Variants in CNTNAP2 observed in about 807,000 individuals in gnomAD.
The protein encoded by CNTNAP2 is contactin-associated protein-like 2.
Under a neutral mutation model 155.2 loss-of-function variants are expected in CNTNAP2, and 98 were observed. The observed-to-expected ratio is 0.63, with a 90% confidence interval of 0.54 to 0.75. The LOEUF (loss-of-function observed/expected upper bound fraction) is 0.75, where lower values mean the gene tolerates loss of function less well. Ranked by LOEUF, CNTNAP2 falls within the 30% of genes least tolerant of loss-of-function variation. The pLI is 0.00. For synonymous variants in CNTNAP2, 651 were observed against 631.2 expected (o/e 1.03, Z -0.47); for missense variants, 1,727 against 1,688.1 (o/e 1.02, Z -0.40).
intron 1 of CNTNAP2, among the ~76,000 whole-genome samples, chr7:146,668,428 CT>C (rs1800235756): frequency 8.7e-6 from 1 of 115,490 alleles, no homozygotes; most frequent in Non-Finnish European, 1.9e-5. Flanking sequence ...TGTAATTTTC[CT>C]GTGTGTGTGT....
chr7:146,245,810 T>C (rs1799638595), intron 1 of CNTNAP2, among the ~76,000 whole-genome samples: 1 of 151,672 alleles, frequency 6.6e-6, no homozygotes, highest in African/African-American at 2.4e-5. Context: ...TCAGTCCAAG[T>C]GAAAGCGAAG....
chr7:146,717,029 T>G (rs1801200501), intron 1 of CNTNAP2, among the ~76,000 whole-genome samples: 2 of 147,954 alleles, frequency 1.4e-5, no homozygotes, highest in South Asian at 4.2e-4. Context: ...CAAGATTGGT[T>G]TCTTAACTGG....
At chr7:147,087,192 T>C (rs1800296280) in intron 4 of CNTNAP2, among the ~76,000 whole-genome samples, 1 of 152,200 alleles carries the variant, frequency 6.6e-6, no homozygotes, top group African/African-American at 2.4e-5. Flanking sequence ...GAGTTAAGTA[T>C]TGTTCCCATT....
chr7:147,728,999 A>T (rs1796691125), intron 13 of CNTNAP2, among the ~76,000 whole-genome samples: 1 of 148,704 alleles, frequency 6.7e-6, no homozygotes, highest in African/African-American at 2.4e-5. Flanking sequence ...AATATATATT[A>T]TGTATAATGT....
intron 9 of CNTNAP2, among the ~76,000 whole-genome samples, chr7:147,337,038 G>A (rs970293761): frequency 1.3e-5 from 2 of 152,010 alleles, no homozygotes; most frequent in Non-Finnish European, 2.9e-5. Flanking sequence ...TTATCAATTA[G>A]GGAAATGGTA....
At chr7:146,547,529 G>T (rs1271540208) in intron 1 of CNTNAP2, among the ~76,000 whole-genome samples, 3 of 151,796 alleles carry the variant, frequency 2.0e-5, no homozygotes, top group African/African-American at 7.3e-5. Flanking sequence ...CACCATTATG[G>T]TCTTTGATTT....
At chr7:146,931,072 T>A (rs1796745541) in intron 3 of CNTNAP2, among the ~76,000 whole-genome samples, 1 of 151,960 alleles carries the variant, frequency 6.6e-6, no homozygotes, top group African/African-American at 2.4e-5. Context: ...AACTCAGCTC[T>A]GCACCAAGTG....
At chr7:146,130,509 A>G (rs909343409) in intron 1 of CNTNAP2, among the ~76,000 whole-genome samples, 5 of 152,196 alleles carry the variant, frequency 3.3e-5, no homozygotes, top group African/African-American at 1.2e-4. Context: ...GTCAGTATTA[A>G]AGTTTGTGAT....
intron 1 of CNTNAP2, among the ~76,000 whole-genome samples, chr7:146,712,201 ATG>A (rs1801098079): frequency 8.6e-6 from 1 of 116,784 alleles, no homozygotes; most frequent in Non-Finnish European, 1.8e-5. Flanking sequence ...GTATACAAAT[ATG>A]TATACATATC....
intron 10 of CNTNAP2, among the ~76,000 whole-genome samples, chr7:147,460,115 C>T (rs766657870): frequency 2.4e-4 from 36 of 151,732 alleles, no homozygotes; most frequent in African/African-American, 6.1e-4. Context: ...ACTTTCTGCA[C>T]GTGTATCCCA....
chr7:146,256,788 G>GA lies in CNTNAP2; in HGVS notation c.97+139824dup, dbSNP rs1032665892. ...AGATATTTCCTTCAATTACTGGTGG[G>GA]AAAAAAAAACATGAGATTTGAAATA... is the stretch of plus-strand genomic sequence containing the variant. On this transcript the variant is annotated intron_variant, in intron 1 of 23. Transcript: ENST00000361727. Among the ~76,000 whole-genome samples the GA allele has an allele frequency of 1.3e-3, 187 of 148,786 alleles. 1 individual carries two copies. The highest frequency in any genetic ancestry group is 2.2e-3 in the East Asian group (11 of 5,092).
chr7:146,117,434 T>C (rs1337852261), intron 1 of CNTNAP2: 3 of 156,024 alleles, frequency 1.9e-5, no homozygotes, highest in Non-Finnish European at 4.3e-5. Context: ...TGGGCACCTA[T>C]AGGGTCTCTT....
intron 21 of CNTNAP2, among the ~76,000 whole-genome samples, chr7:148,313,098 G>C (rs920116578): frequency 4.6e-5 from 7 of 151,536 alleles, no homozygotes; most frequent in Admixed American, 2.0e-4. Context: ...GTTGGCACCA[G>C]AGTTGGGGAG....
chr7:146,486,410 A>AT (rs1797060042), intron 1 of CNTNAP2, among the ~76,000 whole-genome samples: 2 of 152,234 alleles, frequency 1.3e-5, no homozygotes, highest in African/African-American at 4.8e-5. Flanking sequence ...GCTCTAAGAA[A>AT]TGTAGAGATA....
At chr7:147,502,562 G>T (rs1798834408) in intron 11 of CNTNAP2, among the ~76,000 whole-genome samples, 1 of 152,102 alleles carries the variant, frequency 6.6e-6, no homozygotes, top group South Asian at 2.1e-4. Flanking sequence ...AATAAGTTCT[G>T]GGGAGCTAAT....
intron 17 of CNTNAP2, among the ~76,000 whole-genome samples, chr7:148,155,220 CCAGA>C (rs1459520326): frequency 7.2e-5 from 11 of 152,136 alleles, no homozygotes; most frequent in African/African-American, 2.7e-4. Context: ...GGATTTGGTT[CCAGA>C]CAGTCTGACT....
At chr7:148,294,119 C>T (rs1450804203) in intron 21 of CNTNAP2, among the ~76,000 whole-genome samples, 2 of 150,342 alleles carry the variant, frequency 1.3e-5, no homozygotes, top group African/African-American at 2.4e-5. Flanking sequence ...GCGGTGTTTC[C>T]TATTCTATGT....
At chr7:147,475,319 T>C (rs6464813) in intron 10 of CNTNAP2, among the ~76,000 whole-genome samples, 117,405 of 152,124 alleles carry the variant, frequency 0.77, 45,593 homozygotes, top group African/African-American at 0.85. Context: ...TGTTCTCCAG[T>C]GTGCACTCTG....
At position 147,237,495 on chromosome 7, in the gene CNTNAP2, C is replaced by T. The variant is rs557368028; in HGVS notation, c.1349-62646C>T. Among the ~76,000 whole-genome samples, 5 of 152,290 alleles carry T rather than the reference C, an allele frequency of 3.3e-5. No homozygotes were observed. The East Asian group carries it at 9.6e-4, about 29-fold the overall frequency. On this transcript the variant is annotated intron_variant, in intron 8 of 23. Transcript: ENST00000361727. Reference sequence around the variant, plus strand: ...TCTCTAACTAGTTCAAGTGCTGGCTCCACTTTGAAGAGTGTATCTTATCTA... The same window carrying T: ...TCTCTAACTAGTTCAAGTGCTGGCTTCACTTTGAAGAGTGTATCTTATCTA...
Sources: gnomAD v4.1 joint callset for allele counts (sites outside exome capture counted in the v4.1 genomes callset) on GRCh38, gnomAD v4.1.1 for gene constraint, MANE v1.5 for transcripts, NCBI Gene and HGNC (gene_info 2026-07-23, HGNC 2026-07-21) for gene names.